Variants in EEPD1 observed in about 807,000 individuals in gnomAD.
EEPD1 encodes endonuclease/exonuclease/phosphatase family domain containing 1.
In EEPD1, 17 loss-of-function variants were observed where a neutral mutation model predicts 46.3. The observed-to-expected ratio is 0.37, with a 90% CI of 0.25 to 0.55. The LOEUF is 0.55. Among genes scored for constraint, EEPD1 ranks in the 20% least tolerant of loss-of-function variants. The pLI, the probability that EEPD1 is intolerant of heterozygous loss-of-function variation, is 0.83. For synonymous variants in EEPD1, 313 were observed against 315.6 expected (o/e 0.99, Z 0.09); for missense variants, 673 against 745.6 (o/e 0.90, Z 1.13).
intron 2 of EEPD1, among the ~76,000 whole-genome samples, chr7:36,169,752 G>A (rs999195483): frequency 2.6e-5 from 4 of 152,192 alleles, no homozygotes; most frequent in Non-Finnish European, 5.9e-5. Flanking sequence ...CCGCATCTGG[G>A]AAGGAGCCTG....
chr7:36,266,740 C>T (rs551573720), intron 3 of EEPD1, among the ~76,000 whole-genome samples: 47 of 152,280 alleles, frequency 3.1e-4, no homozygotes, highest in Non-Finnish European at 6.2e-4. Flanking sequence ...CCCCCTTCCC[C>T]TCTTGCCCAG....
intron 3 of EEPD1, among the ~76,000 whole-genome samples, chr7:36,253,913 C>G (rs1786785645): frequency 6.6e-6 from 1 of 151,918 alleles, no homozygotes; most frequent in South Asian, 2.1e-4. Flanking sequence ...ATTGTTTAGT[C>G]CATTCACATT....
Position 36,281,229 on chromosome 7 carries a change from C to A in EEPD1, c.1041+4C>A. On this transcript the variant is annotated splice_donor_region_variant and intron_variant, in intron 4 of 7. Coordinates refer to ENST00000242108, the MANE Select transcript of EEPD1 (RefSeq NM_030636.3). ...GCCCTCGAGTCAGCTCCAGAAGGTA[C>A]CCTCGTCTGCAAAGCCTGGCCTTTC... is the stretch of plus-strand genomic sequence containing the variant. 6.2e-7 allele frequency: 1 copy of A among 1,612,158 alleles called. No homozygotes were observed. Among genetic ancestry groups the A allele is most frequent in the Non-Finnish European group, 8.5e-7 (1 of 1,178,268 alleles).
intron 3 of EEPD1, among the ~76,000 whole-genome samples, chr7:36,279,484 T>TA (rs2115867056): frequency 6.6e-6 from 1 of 152,314 alleles, no homozygotes; most frequent in South Asian, 2.1e-4. Context: ...TCTTCCCTCT[T>TA]ACAAATAAAG....
chr7:36,277,024 A>G (rs961327727), intron 3 of EEPD1, among the ~76,000 whole-genome samples: 2 of 152,254 alleles, frequency 1.3e-5, no homozygotes, highest in Admixed American at 6.5e-5. Flanking sequence ...TAGGCAAAGC[A>G]AAAAGTGTGA....
intron 2 of EEPD1, among the ~76,000 whole-genome samples, chr7:36,217,122 A>C (rs1786042247): frequency 6.6e-6 from 1 of 152,282 alleles, no homozygotes; most frequent in Non-Finnish European, 1.5e-5. Flanking sequence ...GTTTGTTAGG[A>C]AAGTAAAGGA....
chr7:36,295,785 C>CT (rs1217914729), intron 6 of EEPD1, among the ~76,000 whole-genome samples: 1 of 152,076 alleles, frequency 6.6e-6, no homozygotes, highest in Non-Finnish European at 1.5e-5. Context: ...AATCCCAGCA[C>CT]TTTGGGAGGG....
intron 2 of EEPD1, among the ~76,000 whole-genome samples, chr7:36,218,207 C>T (rs927898090): frequency 6.6e-6 from 1 of 152,134 alleles, no homozygotes; most frequent in East Asian, 1.9e-4. Flanking sequence ...ATACTGAATA[C>T]AGTAGTCCCC....
intron 2 of EEPD1, among the ~76,000 whole-genome samples, chr7:36,211,435 C>T (rs542197370): frequency 9.3e-5 from 14 of 150,994 alleles, no homozygotes; most frequent in African/African-American, 2.2e-4. Context: ...AGTAAATGAC[C>T]GATGAAAAAA....
chr7:36,214,556 G>A lies in EEPD1; in HGVS notation c.879-24429G>A, dbSNP rs921915487. Among the ~76,000 whole-genome samples the A allele has an allele frequency of 3.3e-5, 5 of 152,130 alleles. 1 individual carries two copies. Among genetic ancestry groups the A allele is most frequent in the African/African-American group, 4.8e-5 (2 of 41,436 alleles). On this transcript the variant is annotated intron_variant, in intron 2 of 7. Transcript: ENST00000242108. ...GTCTTATATCCCATTCAGTCTGGTC[G>A]CATCTGCCTCTCCTGGGAACTTGTT...
intron 2 of EEPD1, among the ~76,000 whole-genome samples, chr7:36,205,171 C>T (rs1041035612): frequency 6.6e-6 from 1 of 152,178 alleles, no homozygotes. Context: ...AGGGGGGTCA[C>T]CAGGATAGAG....
intron 2 of EEPD1, among the ~76,000 whole-genome samples, chr7:36,185,737 C>A (rs1785351474): frequency 6.6e-6 from 1 of 152,192 alleles, no homozygotes; most frequent in Non-Finnish European, 1.5e-5. Flanking sequence ...GCCTCTACAT[C>A]TTCTCATGCT....
chr7:36,285,127 C>G (rs1787323186), intron 5 of EEPD1, among the ~76,000 whole-genome samples: 1 of 152,062 alleles, frequency 6.6e-6, no homozygotes, highest in Non-Finnish European at 1.5e-5. Context: ...GGAGATTTTC[C>G]TACAGTCAGG....
intron 2 of EEPD1, among the ~76,000 whole-genome samples, chr7:36,174,637 G>A (rs1422860759): frequency 6.6e-6 from 1 of 152,200 alleles, no homozygotes; most frequent in Non-Finnish European, 1.5e-5. Context: ...TATGCTGTTT[G>A]TCTCCTCCAA....
At chr7:36,227,951 G>A (rs886096947) in intron 2 of EEPD1, among the ~76,000 whole-genome samples, 1 of 152,210 alleles carries the variant, frequency 6.6e-6, no homozygotes, top group Non-Finnish European at 1.5e-5. Flanking sequence ...GCCTCCCAAA[G>A]TGATGAGATT....
At chr7:36,259,584 A>C (rs1786884907) in intron 3 of EEPD1, among the ~76,000 whole-genome samples, 1 of 151,972 alleles carries the variant, frequency 6.6e-6, no homozygotes, top group Non-Finnish European at 1.5e-5. Flanking sequence ...ATCTCAGCTC[A>C]CTGCAGCCTC....
intron 3 of EEPD1, among the ~76,000 whole-genome samples, chr7:36,261,801 C>G (rs530253746): frequency 1.3e-5 from 2 of 152,302 alleles, no homozygotes; most frequent in East Asian, 3.9e-4. Context: ...ATTGAACAGG[C>G]CATTAAAGCT....
At chr7:36,280,147 G>C (rs371504801) in intron 3 of EEPD1, among the ~76,000 whole-genome samples, 3 of 152,220 alleles carry the variant, frequency 2.0e-5, no homozygotes, top group African/African-American at 4.8e-5. Context: ...ACCTGCTGCT[G>C]TGAGGGGCTA....
intron 6 of EEPD1, among the ~76,000 whole-genome samples, chr7:36,292,708 A>G (rs965642958): frequency 1.3e-5 from 2 of 151,994 alleles, no homozygotes; most frequent in Non-Finnish European, 2.9e-5. Context: ...GGGTTTCACT[A>G]TGTCGGCCAG....
Sources: gnomAD v4.1 joint callset for allele counts (sites outside exome capture counted in the v4.1 genomes callset) on GRCh38, gnomAD v4.1.1 for gene constraint, MANE v1.5 for transcripts, NCBI Gene and HGNC (gene_info 2026-07-23, HGNC 2026-07-21) for gene names.